SBF2: variants seen among roughly 807,000 people sequenced by gnomAD.
SBF2 encodes the protein myotubularin-related protein 13.
A neutral mutation model predicts 225.2 loss-of-function variants in SBF2; 112 were observed. That is an observed-to-expected ratio of 0.50 (90% CI 0.43 to 0.58). The LOEUF (loss-of-function observed/expected upper bound fraction) is 0.58. SBF2 is among the 20% of genes least tolerant of loss of function. The probability of loss-of-function intolerance (pLI) is 0.00; values close to 1 mark genes in which losing one functional copy is unlikely to be tolerated. For synonymous variants in SBF2, 763 were observed against 773.3 expected (o/e 0.99, Z 0.22); for missense variants, 1,996 against 2,206.2 (o/e 0.90, Z 1.91).
chr11:9,958,525 A>AT (rs575049175), intron 16 of SBF2: 5 of 159,736 alleles, frequency 3.1e-5, no homozygotes, highest in South Asian at 1.8e-4. Context: ...CGCCCGGCTA[A>AT]TTTTTTGTAT....
intron 16 of SBF2, among the ~76,000 whole-genome samples, chr11:9,933,830 A>G (rs1864681665): frequency 6.6e-6 from 1 of 152,170 alleles, no homozygotes; most frequent in African/African-American, 2.4e-5. Context: ...TGAAAGAGAT[A>G]GAGACACAAA....
intron 1 of SBF2, among the ~76,000 whole-genome samples, chr11:10,208,013 ACTAAT>A (rs1177490015): frequency 1.3e-5 from 2 of 152,258 alleles, no homozygotes; most frequent in East Asian, 1.9e-4. Flanking sequence ...TGGTTGATAA[ACTAAT>A]CTAAGAAAGT....
At chr11:9,938,625 A>G (rs1865053482) in intron 16 of SBF2, among the ~76,000 whole-genome samples, 1 of 152,226 alleles carries the variant, frequency 6.6e-6, no homozygotes, top group African/African-American at 2.4e-5. Flanking sequence ...CATGACAAAT[A>G]TTATAGTTCA....
At chr11:10,252,611 C>G (rs1484004193) in intron 1 of SBF2, among the ~76,000 whole-genome samples, 4 of 152,118 alleles carry the variant, frequency 2.6e-5, no homozygotes, top group African/African-American at 7.2e-5. Flanking sequence ...GAGATCGAGA[C>G]CATCCTGACT....
intron 30 of SBF2, among the ~76,000 whole-genome samples, chr11:9,812,013 A>G (rs1183303893): frequency 1.3e-5 from 2 of 152,170 alleles, no homozygotes; most frequent in Non-Finnish European, 2.9e-5. Context: ...AGTTGACTGA[A>G]CTGAAAGATG....
Position 10,193,911 on chromosome 11 carries a change from TC to T in SBF2, c.131del (p.Gly44GlufsTer27). ...TACAACAACCACTTACCAACTCAAT[TC>T]CCTGTGGAAAAGGTGTATCATCCCA... ...KDWDDTPFPQ[G>X]IELFCQPGGW... On this transcript the variant is annotated frameshift_variant, in exon 2 of 40. Transcript: ENST00000256190. LOFTEE classifies it high-confidence loss of function. 1 of 1,609,948 alleles carries T rather than the reference TC, an allele frequency of 6.2e-7. No homozygotes were observed. The highest frequency in any genetic ancestry group is 8.5e-7 in the Non-Finnish European group (1 of 1,176,316).
At chr11:10,219,745 C>T (rs1461501465) in intron 1 of SBF2, among the ~76,000 whole-genome samples, 2 of 152,200 alleles carry the variant, frequency 1.3e-5, no homozygotes, top group African/African-American at 2.4e-5. Flanking sequence ...CAAAATGCTG[C>T]CAGTCTCTTT....
At chr11:10,090,764 C>CCAAAAAAAAAAAAAAAAAAAA (rs1951749539) in intron 2 of SBF2, among the ~76,000 whole-genome samples, 1 of 44,428 alleles carries the variant, frequency 2.3e-5, no homozygotes, top group African/African-American at 8.9e-5. Context: ...GATTCCATCT[C>CCAAAAAAAAAAAAAAAAAAAA]AAAAAAAAAA....
At chr11:9,898,994 T>A (rs983613409) in intron 16 of SBF2, among the ~76,000 whole-genome samples, 4 of 151,502 alleles carry the variant, frequency 2.6e-5, no homozygotes, top group Non-Finnish European at 4.4e-5. Flanking sequence ...GTATCACAGA[T>A]GTTAAGAGGA....
intron 2 of SBF2, among the ~76,000 whole-genome samples, chr11:10,188,435 C>G (rs1453988260): frequency 6.6e-6 from 1 of 152,122 alleles, no homozygotes; most frequent in East Asian, 1.9e-4. Context: ...TCAGGAAGTT[C>G]TCTTTGGTCT....
chr11:9,846,879 C>T (rs1271030662), intron 23 of SBF2, 77 bp downstream of exon 23: 10 of 1,512,444 alleles, frequency 6.6e-6, no homozygotes, highest in Non-Finnish European at 9.2e-6. Context: ...GAGCACATGA[C>T]CACACAAAAT....
chr11:9,782,874 G>GAAAAAA (rs56057774), intron 38 of SBF2, among the ~76,000 whole-genome samples: 5 of 114,820 alleles, frequency 4.4e-5, no homozygotes, highest in South Asian at 2.6e-4. Context: ...TGTCTCAAAA[G>GAAAAAA]AAAAAAAAAA....
intron 2 of SBF2, among the ~76,000 whole-genome samples, chr11:10,045,083 G>A (rs1294344372): frequency 1.3e-5 from 2 of 152,098 alleles, no homozygotes; most frequent in Non-Finnish European, 2.9e-5. Context: ...GAGTTGTTTG[G>A]CAGGAGGTCC....
intron 16 of SBF2, among the ~76,000 whole-genome samples, chr11:9,916,256 A>G (rs2134205102): frequency 6.6e-6 from 1 of 152,344 alleles, no homozygotes; most frequent in East Asian, 1.9e-4. Context: ...AGATCAGAGA[A>G]AAGCTTAGCT....
At chr11:10,150,471 C>G (rs1265966251) in intron 2 of SBF2, among the ~76,000 whole-genome samples, 1 of 151,898 alleles carries the variant, frequency 6.6e-6, no homozygotes, top group Non-Finnish European at 1.5e-5. Context: ...AATGGGATTA[C>G]TGATGGAAGA....
chr11:9,855,766 C>G (rs1857270818), intron 19 of SBF2, among the ~76,000 whole-genome samples: 1 of 152,168 alleles, frequency 6.6e-6, no homozygotes, highest in South Asian at 2.1e-4. Flanking sequence ...GTCAGGAGGG[C>G]TTCTTGAGGC....
At chr11:9,955,897 T>C (rs1866133810) in intron 16 of SBF2, among the ~76,000 whole-genome samples, 1 of 152,136 alleles carries the variant, frequency 6.6e-6, no homozygotes, top group Non-Finnish European at 1.5e-5. Flanking sequence ...CCACGTATGT[T>C]TGTATCATTA....
chr11:10,152,536 T>C (rs925268389), intron 2 of SBF2, among the ~76,000 whole-genome samples: 1 of 147,358 alleles, frequency 6.8e-6, no homozygotes, highest in Non-Finnish European at 1.5e-5. Flanking sequence ...GCAACAAGAG[T>C]GAAACTCCAT....
intron 6 of SBF2, among the ~76,000 whole-genome samples, chr11:10,011,130 C>T (rs1017152477): frequency 5.3e-5 from 8 of 152,202 alleles, no homozygotes; most frequent in Middle Eastern, 3.4e-3. Context: ...GTCTATTTAC[C>T]CACAGATTTC....
Sources: gnomAD v4.1 joint callset for allele counts (sites outside exome capture counted in the v4.1 genomes callset) on GRCh38, gnomAD v4.1.1 for gene constraint, MANE v1.5 for transcripts, NCBI Gene and HGNC (gene_info 2026-07-23, HGNC 2026-07-21) for gene names.